Variants in RARB observed in about 807,000 individuals in gnomAD.
The protein encoded by RARB is HBV-activated protein.
In RARB, 17 loss-of-function variants were observed where a neutral mutation model predicts 51.9. The observed-to-expected ratio is 0.33, with a 90% CI of 0.22 to 0.49. The LOEUF (loss-of-function observed/expected upper bound fraction) is 0.49. Ranked by LOEUF, RARB falls within the 20% of genes least tolerant of loss-of-function variation. The probability of loss-of-function intolerance (pLI) is 0.99; values close to 1 mark genes in which losing one functional copy is unlikely to be tolerated. For synonymous variants in RARB, 215 were observed against 195.4 expected (o/e 1.10, Z -0.84); for missense variants, 369 against 550.8 (o/e 0.67, Z 3.30).
intron 5 of RARB, among the ~76,000 whole-genome samples, chr3:25,415,988 A>T (rs1553612676): frequency 6.6e-6 from 1 of 152,240 alleles, no homozygotes; most frequent in Non-Finnish European, 1.5e-5. Flanking sequence ...CAAGGAACAC[A>T]CAGCAATGGA....
chr3:25,192,246 A>G (rs999776183), intron 5 of RARB, among the ~76,000 whole-genome samples: 1 of 152,160 alleles, frequency 6.6e-6, no homozygotes, highest in South Asian at 2.1e-4. Flanking sequence ...ACTGAAGCAT[A>G]GTAGCCTCTT....
At chr3:25,179,193 C>A (rs1700815214) in intron 5 of RARB, among the ~76,000 whole-genome samples, 1 of 152,082 alleles carries the variant, frequency 6.6e-6, no homozygotes, top group African/African-American at 2.4e-5. Context: ...TATTTTTTGT[C>A]TTAAACTAAG....
intron 3 of RARB, among the ~76,000 whole-genome samples, chr3:25,540,086 G>A (rs1225683116): frequency 2.6e-5 from 4 of 152,134 alleles, no homozygotes; most frequent in Non-Finnish European, 5.9e-5. Context: ...AGTGACAACT[G>A]TAAAAGGATA....
At chr3:25,411,613 A>G (rs1399230546) in intron 5 of RARB, among the ~76,000 whole-genome samples, 1 of 152,214 alleles carries the variant, frequency 6.6e-6, no homozygotes. Context: ...TGACCTCAAG[A>G]AGCAACCAAG....
chr3:24,938,180 C>G (rs73820324), intron 2 of RARB, among the ~76,000 whole-genome samples: 3 of 152,064 alleles, frequency 2.0e-5, no homozygotes, highest in Non-Finnish European at 2.9e-5. Context: ...GGTAAGGTAG[C>G]CTTTCAGGTG....
chr3:24,907,530 C>A (rs975757392), intron 2 of RARB, among the ~76,000 whole-genome samples: 5 of 152,098 alleles, frequency 3.3e-5, no homozygotes, highest in African/African-American at 1.2e-4. Flanking sequence ...CAGACTAACT[C>A]CAAAGCATCC....
At chr3:25,282,935 G>A (rs1470701663) in intron 5 of RARB, among the ~76,000 whole-genome samples, 1 of 152,162 alleles carries the variant, frequency 6.6e-6, no homozygotes, top group Non-Finnish European at 1.5e-5. Flanking sequence ...CCAAATAGAA[G>A]GGGAGGGTAA....
chr3:25,096,703 G>A (rs1205365049), intron 3 of RARB, among the ~76,000 whole-genome samples: 1 of 152,040 alleles, frequency 6.6e-6, no homozygotes, highest in African/African-American at 2.4e-5. Flanking sequence ...GGGCTGAGTG[G>A]GTGTGTTTCA....
intron 3 of RARB, among the ~76,000 whole-genome samples, chr3:25,527,808 A>G (rs1481708154): frequency 6.6e-6 from 1 of 152,102 alleles, no homozygotes; most frequent in Non-Finnish European, 1.5e-5. Flanking sequence ...CTTTGCTTCT[A>G]TGGATTTAAG....
chr3:24,883,797 C>G (rs955593909), intron 2 of RARB, among the ~76,000 whole-genome samples: 2 of 152,094 alleles, frequency 1.3e-5, no homozygotes, highest in Admixed American at 1.3e-4. Context: ...ACCTAACAAA[C>G]TCTGATTACT....
rs574242247 is a variant in RARB at position 24,904,940 on chromosome 3, G to A, written c.-380+46188G>A. ...AAAAACCAAACACTGCGTGTTCTCA[G>A]TCGTTAAGTGGGAGTTGAACAATGA... On this transcript the variant is annotated intron_variant, in intron 2 of 11. Coordinates refer to the RARB transcript ENST00000383772. Among the ~76,000 whole-genome samples, 8 of 152,266 alleles carry A rather than the reference G, an allele frequency of 5.3e-5. No individual in the cohort carries two copies. The South Asian group carries it at 1.7e-3, about 32-fold the overall frequency.
intron 5 of RARB, among the ~76,000 whole-genome samples, chr3:25,403,796 T>C (rs1217253641): frequency 2.7e-5 from 4 of 150,866 alleles, no homozygotes; most frequent in African/African-American, 9.8e-5. Context: ...GCACTGTTAC[T>C]TTCATTTTTT....
chr3:25,174,821 C>G (rs17577540), intron 5 of RARB, among the ~76,000 whole-genome samples: 12,209 of 152,106 alleles, frequency 0.08, 644 homozygotes, highest in Non-Finnish European at 0.12. Flanking sequence ...AATGCAAACA[C>G]AAAAAGTGAT....
At chr3:24,886,076 C>T (rs907564292) in intron 2 of RARB, among the ~76,000 whole-genome samples, 15 of 152,280 alleles carry the variant, frequency 9.9e-5, no homozygotes, top group Non-Finnish European at 2.2e-4. Context: ...TTTACAGCTT[C>T]CTTTTTCCAT....
At chr3:25,428,194 T>G, upstream of RARB, 1 of 1,211,628 alleles carries the variant, frequency 8.3e-7, no homozygotes, top group Non-Finnish European at 1.0e-6. Flanking sequence ...CATTTGAAGG[T>G]TAGCAGCCCG....
At chr3:25,547,414 G>A (rs1236268012) in intron 3 of RARB, among the ~76,000 whole-genome samples, 1 of 152,200 alleles carries the variant, frequency 6.6e-6, no homozygotes, top group Non-Finnish European at 1.5e-5. Flanking sequence ...CCTGGTAAAT[G>A]CTCAATAATT....
chr3:25,016,215 CA>C (rs1697504716), intron 2 of RARB, among the ~76,000 whole-genome samples: 1 of 152,086 alleles, frequency 6.6e-6, no homozygotes, highest in African/African-American at 2.4e-5. Flanking sequence ...AATTTCAATA[CA>C]AAATAAATGA....
chr3:25,212,508 C>G (rs9880778), intron 5 of RARB, among the ~76,000 whole-genome samples: 1 of 151,842 alleles, frequency 6.6e-6, no homozygotes, highest in African/African-American at 2.4e-5. Context: ...ATCCCAGCTA[C>G]CCGGGAGGCT....
chr3:25,337,134 G>A (rs1705086575), intron 5 of RARB, among the ~76,000 whole-genome samples: 1 of 152,038 alleles, frequency 6.6e-6, no homozygotes, highest in African/African-American at 2.4e-5. Context: ...AATTAGAAGA[G>A]GCAGGAACAA....
Sources: allele counts gnomAD v4.1 joint callset (sites outside exome capture counted in the v4.1 genomes callset), GRCh38; gene constraint gnomAD v4.1.1; transcripts MANE v1.5; gene names NCBI Gene and HGNC (gene_info 2026-07-23, HGNC 2026-07-21).